NAA16: variants seen among roughly 807,000 people sequenced by gnomAD.
The protein encoded by NAA16 is N-alpha-acetyltransferase 16, NatA auxiliary subunit, also known as NARG1-like protein.
In NAA16, 97 loss-of-function variants were observed where a neutral mutation model predicts 110.3. That is an observed-to-expected ratio of 0.88 (90% CI 0.75 to 1.04). The LOEUF is 1.04. Among genes scored for constraint, NAA16 ranks in the 50% least tolerant of loss-of-function variants. The probability of loss-of-function intolerance (pLI) is 0.00; values close to 1 mark genes in which losing one functional copy is unlikely to be tolerated. For missense variants in NAA16, 1,017 were observed against 1,005.1 expected (o/e 1.01, Z -0.16); for synonymous variants, 372 against 330.6 (o/e 1.13, Z -1.36).
Position 41,375,722 on chromosome 13 carries a change from A to G in NAA16, c.*120A>G, listed in dbSNP as rs745819554. On this transcript the variant is annotated 3_prime_UTR_variant, in exon 20 of 20. Transcript: ENST00000379406. ...TATTTGGTTAGGATTTTTAAATGGCATATTCTGTAAGCTTATTTTGTTCTT... is the reference window on the plus strand; with the variant it reads ...TATTTGGTTAGGATTTTTAAATGGCGTATTCTGTAAGCTTATTTTGTTCTT... The G allele has an allele frequency of 7.2e-5, 52 of 720,442 alleles. No homozygotes were observed. Among genetic ancestry groups the G allele is most frequent in the Admixed American group, 6.2e-4 (20 of 32,156 alleles). The allele number at this position is 720,442 out of a possible 1,614,324, so 44.6% of individuals were successfully genotyped here. A position where few individuals can be genotyped will look rare whatever the true frequency, so the allele number is the denominator to read the frequency against.
intron 12 of NAA16, among the ~76,000 whole-genome samples, chr13:41,360,739 G>C (rs1307305933): frequency 5.9e-5 from 9 of 152,144 alleles, no homozygotes; most frequent in Admixed American, 5.2e-4. Context: ...GGATATATCT[G>C]CTTACTAATA....
At chr13:41,333,252 T>C (rs1441530061) in intron 8 of NAA16, among the ~76,000 whole-genome samples, 1 of 152,192 alleles carries the variant, frequency 6.6e-6, no homozygotes, top group Non-Finnish European at 1.5e-5. Flanking sequence ...CTCTTTGTTT[T>C]AAAAAATAAT....
At chr13:41,350,767 C>T (rs908322181) in intron 9 of NAA16, among the ~76,000 whole-genome samples, 1 of 151,892 alleles carries the variant, frequency 6.6e-6, no homozygotes, top group Admixed American at 6.6e-5. Flanking sequence ...ACTCCAGGCA[C>T]GGGCCACTAC....
intron 10 of NAA16, among the ~76,000 whole-genome samples, chr13:41,356,841 C>CTTGTAAG (rs1171791047): frequency 1.3e-5 from 2 of 152,172 alleles, no homozygotes; most frequent in African/African-American, 4.8e-5. Context: ...GTCATTCATA[C>CTTGTAAG]TTGTAAGTTA....
chr13:41,337,989 A>T (rs368465165), intron 9 of NAA16, among the ~76,000 whole-genome samples: 1 of 152,262 alleles, frequency 6.6e-6, no homozygotes. Flanking sequence ...AACCCTTACA[A>T]TTCCTTAATG....
chr13:41,316,900 C>G lies in NAA16; in HGVS notation c.109C>G (p.Leu37Val), dbSNP rs374362056. 6 of 1,613,410 alleles carry G rather than the reference C, an allele frequency of 3.7e-6. No individual in the cohort carries two copies. In the African/African-American group the frequency reaches 5.3e-5, roughly 14 times the overall value. The change falls in exon 2 of 20, where the codon CTG becomes GTG. Residue 37 changes from leucine to valine, a missense_variant. Leu to Val is a conservative substitution (Grantham distance 32). Coordinates refer to ENST00000379406, the MANE Select transcript of NAA16 (RefSeq NM_024561.5). ...TGGCCTCAAGTTTTGCAAGATGATT[C>G]TGTCGAACCCAAAATTTGCTGAACA... ...KNGLKFCKMILSNPKFAEHGE... is the reference protein window; with the variant it reads ...KNGLKFCKMIVSNPKFAEHGE...
intron 13 of NAA16, among the ~76,000 whole-genome samples, chr13:41,365,012 G>T (rs2043182556): frequency 6.6e-6 from 1 of 152,134 alleles, no homozygotes; most frequent in African/African-American, 2.4e-5. Flanking sequence ...GCTGTGAACG[G>T]CTTTTCTTAA....
At chr13:41,359,039 T>G in intron 12 of NAA16, 77 bp downstream of exon 12, 1 of 1,262,254 alleles carries the variant, frequency 7.9e-7, no homozygotes, top group Non-Finnish European at 1.1e-6. Context: ...TAAGACAGTT[T>G]GTGAAGAACT....
intron 5 of NAA16, 82 bp from the exon 6 acceptor site, chr13:41,325,616 T>C (rs2042072115): frequency 1.2e-6 from 1 of 834,710 alleles, no homozygotes; most frequent in South Asian, 2.4e-5. Flanking sequence ...TGAATGACTC[T>C]CCTGAGAAGG....
At chr13:41,319,029 G>T in intron 3 of NAA16, 119 bp downstream of exon 3, 1 of 481,996 alleles carries the variant, frequency 2.1e-6, no homozygotes. Flanking sequence ...TGAACTCTGT[G>T]TATCCATTAC....
At chr13:41,354,886 A>ATTTTTTTTTTTTTTTTTTT (rs10671840) in intron 9 of NAA16, among the ~76,000 whole-genome samples, 1 of 112,486 alleles carries the variant, frequency 8.9e-6, no homozygotes, top group Non-Finnish European at 1.7e-5. Flanking sequence ...GGAGTGGTCC[A>ATTTTTTTTTTTTTTTTTTT]TTTTTTTTTT....
intron 2 of NAA16, among the ~76,000 whole-genome samples, chr13:41,318,393 G>A (rs370031412): frequency 6.6e-6 from 1 of 152,014 alleles, no homozygotes; most frequent in African/African-American, 2.4e-5. Context: ...GTAGAGACGG[G>A]GTTTTGCTGT....
chr13:41,364,077 G>A (rs930094762), intron 13 of NAA16, among the ~76,000 whole-genome samples: 2 of 151,944 alleles, frequency 1.3e-5, no homozygotes, highest in African/African-American at 4.8e-5. Context: ...AAGGATTTAG[G>A]AGTAATTACA....
chr13:41,313,908 C>G (rs896269752), intron 1 of NAA16, among the ~76,000 whole-genome samples: 7 of 148,902 alleles, frequency 4.7e-5, no homozygotes, highest in Non-Finnish European at 1.0e-4. Flanking sequence ...GTCGCCCAGG[C>G]TGGAGTGCAG....
At position 41,375,655 on chromosome 13, in the gene NAA16, T is replaced by A; in HGVS notation, c.*53T>A. ...ACTCAAAGCTGAATTGAGATCAGGG[T>A]TTCTTTTCCAGGGTGCATTTTAATA... On this transcript the variant is annotated 3_prime_UTR_variant, in exon 20 of 20. Transcript: ENST00000379406. 7.2e-7 allele frequency: 1 copy of A among 1,393,640 alleles called. No individual in the cohort carries two copies. Among genetic ancestry groups the A allele is most frequent in the South Asian group, 1.5e-5 (1 of 68,718 alleles). 86.3% of individuals were successfully genotyped at this position (1,393,640 alleles called of 1,614,324 possible).
chr13:41,365,486 A>G (rs374862961), intron 13 of NAA16, among the ~76,000 whole-genome samples: 24 of 152,314 alleles, frequency 1.6e-4, no homozygotes, highest in African/African-American at 4.3e-4. Flanking sequence ...AGTTGTTTCT[A>G]TATAGTATTC....
chr13:41,326,703 G>A (rs1022301603), intron 6 of NAA16, among the ~76,000 whole-genome samples: 1 of 152,130 alleles, frequency 6.6e-6, no homozygotes, highest in Admixed American at 6.5e-5. Flanking sequence ...TGACTTCAGA[G>A]CCCTTACTTT....
chr13:41,318,391 G>A (rs2041861803), intron 2 of NAA16, among the ~76,000 whole-genome samples: 2 of 151,924 alleles, frequency 1.3e-5, no homozygotes, highest in Admixed American at 6.6e-5. Flanking sequence ...TAGTAGAGAC[G>A]GGGTTTTGCT....
At chr13:41,318,448 C>G (rs940104574) in intron 2 of NAA16, among the ~76,000 whole-genome samples, 1 of 152,076 alleles carries the variant, frequency 6.6e-6, no homozygotes, top group South Asian at 2.1e-4. Context: ...ATGATCCACC[C>G]GCCTCAGCCT....
Sources: allele counts gnomAD v4.1 joint callset (sites outside exome capture counted in the v4.1 genomes callset), GRCh38; gene constraint gnomAD v4.1.1; transcripts MANE v1.5; gene names NCBI Gene and HGNC (gene_info 2026-07-23, HGNC 2026-07-21).